Variants in TRPM8 observed in about 807,000 individuals in gnomAD.
TRPM8 encodes TRPM8 cationic channel.
TRPM8 carries 110 observed loss-of-function variants against 133.7 expected under a neutral mutation model. The observed-to-expected ratio is 0.82, with a 90% CI of 0.70 to 0.96. The LOEUF (loss-of-function observed/expected upper bound fraction) is 0.96, where lower values mean the gene tolerates loss of function less well. Ranked by LOEUF, TRPM8 falls within the 40% of genes least tolerant of loss-of-function variation. The pLI is 0.00. For missense variants in TRPM8, 1,291 were observed against 1,379.5 expected (o/e 0.94, Z 1.02); for synonymous variants, 535 against 532.3 (o/e 1.01, Z -0.07).
At chr2:233,986,340 C>T (rs1367215592) in intron 21 of TRPM8, among the ~76,000 whole-genome samples, 1 of 152,204 alleles carries the variant, frequency 6.6e-6, no homozygotes, top group African/African-American at 2.4e-5. Flanking sequence ...AGTGACTCTC[C>T]TTTAGGGCTC....
Position 233,985,727 on chromosome 2 carries a change from A to G in TRPM8, c.2801A>G (p.Asn934Ser), listed in dbSNP as rs1301607906. ...TTTGCCCACTGCACCTTCACTGGGA[A>G]TGAGTCCAAGCCACTGTGTGTGGAG... is the stretch of plus-strand genomic sequence containing the variant. ...YDFAHCTFTG[N>S]ESKPLCVELD... The change falls in exon 21 of 26, where the codon AAT becomes AGT. Residue 934 changes from asparagine (N) to serine (S), a missense_variant. Physicochemically the swap from Asn to Ser is conservative, Grantham distance 46. Around this residue, in one of 2 missense-constraint regions of TRPM8, gnomAD observed 328 missense variants for 410.6 expected, o/e 0.80. Transcript: ENST00000324695. 1 of 1,614,212 alleles carries G rather than the reference A, an allele frequency of 6.2e-7. No homozygotes were observed. The highest frequency in any genetic ancestry group is 2.2e-5 in the East Asian group (1 of 44,878).
intron 1 of TRPM8, among the ~76,000 whole-genome samples, chr2:233,921,974 G>GA (rs1456264422): frequency 6.6e-6 from 1 of 151,490 alleles, no homozygotes; most frequent in African/African-American, 2.4e-5. Flanking sequence ...TGCCCGGCCA[G>GA]AAACACATTT....
intron 17 of TRPM8, among the ~76,000 whole-genome samples, chr2:233,971,795 G>A (rs1574743385): frequency 6.6e-6 from 1 of 152,148 alleles, no homozygotes; most frequent in East Asian, 1.9e-4. Context: ...GCAGTAGCAA[G>A]ATTTATTGCA....
chr2:234,008,227 C>CT, intron 24 of TRPM8, 124 bp downstream of exon 24: 1 of 975,204 alleles, frequency 1.0e-6, no homozygotes, highest in Non-Finnish European at 1.5e-6. Flanking sequence ...AATTCACTGT[C>CT]TAAGAGCAGG....
intron 20 of TRPM8, among the ~76,000 whole-genome samples, chr2:233,985,101 T>C (rs908591189): frequency 2.0e-5 from 3 of 150,462 alleles, no homozygotes; most frequent in Non-Finnish European, 3.0e-5. Flanking sequence ...AAAAAAGATG[T>C]AAAAAATTAA....
chr2:233,922,166 T>C (rs1163520357), intron 1 of TRPM8, among the ~76,000 whole-genome samples: 2 of 152,168 alleles, frequency 1.3e-5, no homozygotes, highest in Admixed American at 6.5e-5. Context: ...AACATCTCCA[T>C]CTGGTTTTGC....
chr2:233,960,348 A>G (rs1362807762), intron 11 of TRPM8, among the ~76,000 whole-genome samples: 1 of 152,206 alleles, frequency 6.6e-6, no homozygotes, highest in Non-Finnish European at 1.5e-5. Context: ...TGGCTGGGTC[A>G]TAATTGGTAT....
intron 22 of TRPM8, among the ~76,000 whole-genome samples, chr2:233,998,152 G>A (rs1348609065): frequency 1.8e-4 from 27 of 152,144 alleles, no homozygotes; most frequent in Admixed American, 1.8e-3. Context: ...TCTCTGGGAT[G>A]GGGATGTAGC....
In TRPM8 at chr2:233,932,438, C is replaced by T. The variant is rs77076584; in HGVS notation, c.191+1697C>T. Among the ~76,000 whole-genome samples, 790 of 152,128 alleles carry T rather than the reference C, an allele frequency of 5.2e-3. 10 individuals carry two copies. Among genetic ancestry groups the T allele is most frequent in the African/African-American group, 0.018 (730 of 41,458 alleles). On this transcript the variant is annotated intron_variant, in intron 3 of 25. Coordinates refer to ENST00000324695, the MANE Select transcript of TRPM8 (RefSeq NM_024080.5). ...CATGTGCCTATCTCTAAACTAATCCCTGGGGCTGGAGGATGGAAGTTGAGG... is the reference window on the plus strand; with the variant it reads ...CATGTGCCTATCTCTAAACTAATCCTTGGGGCTGGAGGATGGAAGTTGAGG...
chr2:233,985,655 C>T (rs1218250415), intron 20 of TRPM8, 33 bp from the exon 21 acceptor site: 2 of 1,605,212 alleles, frequency 1.2e-6, no homozygotes, highest in Non-Finnish European at 1.7e-6. Flanking sequence ...TCCAGAGGGT[C>T]CTCACTTTGC....
chr2:233,976,217 G>A (rs1691869491), intron 17 of TRPM8, among the ~76,000 whole-genome samples: 1 of 152,220 alleles, frequency 6.6e-6, no homozygotes. Flanking sequence ...GCATCGGCAA[G>A]CAGCACTAAG....
chr2:233,960,597 T>A (rs1204452095), intron 11 of TRPM8, among the ~76,000 whole-genome samples, 179 bp from the exon 12 acceptor site: 1 of 152,230 alleles, frequency 6.6e-6, no homozygotes, highest in African/African-American at 2.4e-5. Flanking sequence ...TGTAATCCTC[T>A]GTTGTGTTAA....
chr2:233,956,602 A>G (rs923668024), intron 11 of TRPM8, among the ~76,000 whole-genome samples: 5 of 152,250 alleles, frequency 3.3e-5, no homozygotes, highest in Non-Finnish European at 5.9e-5. Context: ...CATATATTTC[A>G]TAACTTTCAT....
rs368753693 is a variant in TRPM8, at chr2:233,932,827, A to G, written c.191+2086A>G. On this transcript the variant is annotated intron_variant, in intron 3 of 25. Transcript: ENST00000324695. ...CACAGGTAGTGGGATCACTCCATGT[A>G]ATCTAAGTTACCCATCAGACAAGGG... Among the ~76,000 whole-genome samples, 3 of 151,200 alleles carry G rather than the reference A, an allele frequency of 2.0e-5. 1 individual carries two copies.
In TRPM8 at chr2:233,937,341, C is replaced by T. The variant is rs143047295; in HGVS notation, c.192-12C>T. The T allele has an allele frequency of 1.8e-5, 29 of 1,613,784 alleles. No homozygotes were observed. The highest frequency in any genetic ancestry group is 1.7e-4 in the South Asian group (15 of 90,894). On this transcript the variant is annotated splice_polypyrimidine_tract_variant and intron_variant, in intron 3 of 25. Coordinates refer to ENST00000324695, the MANE Select transcript of TRPM8 (RefSeq NM_024080.5). ...AATCCTTCCTTCCTGTCCACACCAT[C>T]GTGCTTATCAGGGAGAATGTGTGCA...
chr2:233,960,697 T>G (rs1691410641), intron 11 of TRPM8, 79 bp from the exon 12 acceptor site: 17 of 1,145,134 alleles, frequency 1.5e-5, no homozygotes, highest in Non-Finnish European at 2.2e-5. Flanking sequence ...ACAGTGCTAC[T>G]GAGGAAGAAA....
intron 17 of TRPM8, among the ~76,000 whole-genome samples, chr2:233,971,833 T>C (rs931275758): frequency 1.3e-5 from 2 of 151,734 alleles, no homozygotes; most frequent in African/African-American, 2.4e-5. Context: ...GCTTCCACAC[T>C]GTGGAAGGGG....
chr2:233,984,121 A>C (rs936162321), intron 20 of TRPM8, among the ~76,000 whole-genome samples: 22 of 152,124 alleles, frequency 1.4e-4, no homozygotes, highest in Non-Finnish European at 3.2e-4. Context: ...TCTAAAGAGG[A>C]ATTGGCAGGC....
At chr2:234,013,110 T>G (rs1692881749) in intron 24 of TRPM8, 2 of 152,174 alleles carry the variant, frequency 1.3e-5, no homozygotes, top group South Asian at 4.1e-4. Context: ...TTTTTCCGGC[T>G]TTGGTAAAAG....
Sources: gnomAD v4.1 joint callset for allele counts (sites outside exome capture counted in the v4.1 genomes callset) on GRCh38, gnomAD v4.1.1 for gene constraint, gnomAD v4.1.1 regional missense constraint, MANE v1.5 for transcripts, NCBI Gene and HGNC (gene_info 2026-07-23, HGNC 2026-07-21) for gene names.